Variants in COL18A1 observed in about 807,000 individuals in gnomAD.
The protein encoded by COL18A1 is collagen alpha-1(XVIII) chain.
Under a neutral mutation model 168.0 loss-of-function variants are expected in COL18A1, and 133 were observed. The observed-to-expected ratio is 0.79, with a 90% CI of 0.69 to 0.91. The LOEUF (loss-of-function observed/expected upper bound fraction) is 0.91. Among genes scored for constraint, COL18A1 ranks in the 40% least tolerant of loss-of-function variants. The probability of loss-of-function intolerance (pLI) is 0.00; values close to 1 mark genes in which losing one functional copy is unlikely to be tolerated. For synonymous variants in COL18A1, 949 were observed against 809.0 expected, an observed-to-expected ratio of 1.17 and a Z score of -2.94; for missense variants, 2,126 against 1,925.4, an observed-to-expected ratio of 1.10 and a Z score of -1.95.
Position 45,498,309 on chromosome 21 carries a change from G to T in COL18A1, c.2683+648G>T, listed in dbSNP as rs571491004. The T allele has an allele frequency of 1.0e-5, 7 of 698,312 alleles. No individual in the cohort carries two copies. The highest frequency in any genetic ancestry group is 7.6e-5 in the South Asian group (5 of 65,974). The allele number at this position is 698,312 out of a possible 1,614,324, so 43.3% of individuals were successfully genotyped here. A position where few individuals can be genotyped will look rare whatever the true frequency, so the allele number is the denominator to read the frequency against. On this transcript the variant is annotated intron_variant, in intron 32 of 41. Transcript: ENST00000651438. The surrounding 1 kb of genome is among the most constrained non-coding windows in gnomAD (Gnocchi z 4.5). ...TTCACCACCAGGGTCCCCTCTCGCCGCCACGGTCCCCTCTCGCCGCCAGGG... is the reference window on the plus strand; with the variant it reads ...TTCACCACCAGGGTCCCCTCTCGCCTCCACGGTCCCCTCTCGCCGCCAGGG...
intron 2 of COL18A1, chr21:45,455,514 C>T (rs751376691): frequency 1.2e-6 from 2 of 1,611,688 alleles, no homozygotes; most frequent in Non-Finnish European, 1.7e-6. Context: ...GCCCGCAGCT[C>T]CAGCCGCACT....
intron 3 of COL18A1, among the ~76,000 whole-genome samples, chr21:45,472,458 G>A (rs976066374): frequency 2.3e-4 from 35 of 152,238 alleles, no homozygotes; most frequent in East Asian, 1.9e-4. Flanking sequence ...TGATCCACCC[G>A]CCTCGGCCTT....
intron 2 of COL18A1, among the ~76,000 whole-genome samples, chr21:45,458,551 G>A (rs924555625): frequency 3.3e-5 from 5 of 152,124 alleles, no homozygotes; most frequent in Admixed American, 3.3e-4. Context: ...AGCACCAGCC[G>A]CCTTGCAGGC....
intron 2 of COL18A1, among the ~76,000 whole-genome samples, chr21:45,426,743 G>A (rs1261172736): frequency 6.6e-6 from 1 of 152,248 alleles, no homozygotes; most frequent in Non-Finnish European, 1.5e-5. Context: ...GCAGGTTTGG[G>A]AGCTTGTGGC....
Position 45,505,419 on chromosome 21 carries a change from C to T in COL18A1, c.3075C>T (p.Gly1025=), listed in dbSNP as rs375254978. Residue 1025 remains glycine, a synonymous_variant, in exon 36 of 42, where the codon GGC becomes GGT. Coordinates refer to ENST00000651438, the MANE Select transcript of COL18A1 (RefSeq NM_001379500.1). ...PGPPGPPGTM[G]ASSGVRLWAT... is the part of the protein sequence containing the mutation. Reference sequence around the variant, plus strand: ...CCCCTGGGCCCCCTGGAACCATGGGCGCCTCCTCAGGGGTAAGTGTCTGGG... The same window carrying T: ...CCCCTGGGCCCCCTGGAACCATGGGTGCCTCCTCAGGGGTAAGTGTCTGGG... 194 of 1,556,280 alleles carry T rather than the reference C, an allele frequency of 1.2e-4. 1 individual carries two copies. The highest frequency in any genetic ancestry group is 4.3e-4 in the Admixed American group (24 of 56,260).
At chr21:45,450,786 G>T (rs540313661) in intron 2 of COL18A1, among the ~76,000 whole-genome samples, 1 of 152,172 alleles carries the variant, frequency 6.6e-6, no homozygotes. Flanking sequence ...CCTCCCCACC[G>T]CATCTCAGGC....
At chr21:45,500,017 C>T (rs950712931) in intron 32 of COL18A1, among the ~76,000 whole-genome samples, 11 of 152,096 alleles carry the variant, frequency 7.2e-5, no homozygotes, top group East Asian at 3.9e-4. Context: ...TTACAAGAGA[C>T]GCTCCCCGAA....
intron 2 of COL18A1, among the ~76,000 whole-genome samples, chr21:45,430,739 G>A (rs1011998895): frequency 2.0e-5 from 3 of 152,186 alleles, no homozygotes; most frequent in African/African-American, 7.2e-5. Context: ...CTGCAAGGGA[G>A]CGTCAGTGGC....
At chr21:45,450,671 C>T (rs889765889) in intron 2 of COL18A1, among the ~76,000 whole-genome samples, 3 of 152,206 alleles carry the variant, frequency 2.0e-5, no homozygotes, top group Non-Finnish European at 4.4e-5. Flanking sequence ...GGAACCTTCC[C>T]GAAGACCAGA....
intron 38 of COL18A1, 24 bp downstream of exon 38, chr21:45,507,617 G>A: frequency 6.2e-7 from 1 of 1,611,292 alleles, no homozygotes; most frequent in Non-Finnish European, 8.5e-7. Flanking sequence ...TTTCTGTTGA[G>A]ACTGGTGGGT....
intron 12 of COL18A1, 63 bp downstream of exon 12, chr21:45,480,583 C>T: frequency 2.5e-6 from 4 of 1,613,798 alleles, no homozygotes; most frequent in South Asian, 2.2e-5. Flanking sequence ...AGGCCATGGA[C>T]CCCCAAGATT....
chr21:45,509,401 G>A lies in COL18A1; in HGVS notation c.3295G>A (p.Asp1099Asn), dbSNP rs775390699. 315 of 1,543,386 alleles carry A rather than the reference G, an allele frequency of 2.0e-4. No homozygotes were observed. The highest frequency in any genetic ancestry group is 2.5e-4 in the Non-Finnish European group (288 of 1,145,462). ...ALQPPVVQLH[D>N]SNPYPRREHP... is the part of the protein sequence containing the mutation. ...GCAGCCCCCCGTGGTGCAGCTGCAC[G>A]ACAGCAACCCCTACCCGCGGCGGGA... is the stretch of plus-strand genomic sequence containing the variant. Residue 1099 changes from aspartate (D) to asparagine (N), a missense_variant, in exon 39 of 42, where the codon GAC becomes AAC. Physicochemically the swap from Asp to Asn is conservative, Grantham distance 23. Transcript: ENST00000651438.
At chr21:45,505,673 G>C (rs1189269472) in intron 36 of COL18A1, among the ~76,000 whole-genome samples, 165 bp from the exon 37 acceptor site, 4 of 152,164 alleles carry the variant, frequency 2.6e-5, no homozygotes, top group Non-Finnish European at 4.4e-5. Context: ...GGAGCTGGCG[G>C]CAGGCAGGGG....
At chr21:45,482,957 A>C (rs2035952387) in intron 15 of COL18A1, 136 bp downstream of exon 15, 2 of 1,289,028 alleles carry the variant, frequency 1.6e-6, no homozygotes, top group East Asian at 5.0e-5. Context: ...CACTCCTGCC[A>C]TCTGTCCATC....
intron 38 of COL18A1, 94 bp from the exon 39 acceptor site, chr21:45,509,262 C>T (rs2037428539): frequency 2.0e-6 from 3 of 1,502,450 alleles, no homozygotes; most frequent in Middle Eastern, 2.4e-4. Flanking sequence ...GTTCAGAGCC[C>T]AGCCCCTCTC....
At chr21:45,455,692 G>A in intron 2 of COL18A1, 1 of 1,614,002 alleles carries the variant, frequency 6.2e-7, no homozygotes, top group South Asian at 1.1e-5. Context: ...CCCTGCCTGT[G>A]CAGCCCACAG....
intron 2 of COL18A1, among the ~76,000 whole-genome samples, chr21:45,435,910 T>C (rs1052303888): frequency 6.6e-6 from 1 of 152,144 alleles, no homozygotes; most frequent in Admixed American, 6.5e-5. Context: ...GCCCCTCTCT[T>C]GAGCCCCTGT....
chr21:45,490,907 G>A (rs1417146565), intron 21 of COL18A1, 36 bp downstream of exon 21: 1 of 1,541,168 alleles, frequency 6.5e-7, no homozygotes, highest in Non-Finnish European at 8.8e-7. Flanking sequence ...GGGGATGGGG[G>A]GCGCTGGGAC....
intron 2 of COL18A1, among the ~76,000 whole-genome samples, chr21:45,428,258 C>T (rs186295495): frequency 3.9e-5 from 6 of 152,210 alleles, no homozygotes; most frequent in South Asian, 2.1e-4. Flanking sequence ...CTGTGGGAAC[C>T]GGGAGACTGG....
Sources: gnomAD v4.1 joint callset for allele counts (sites outside exome capture counted in the v4.1 genomes callset) on GRCh38, gnomAD v4.1.1 for gene constraint, Gnocchi (gnomAD v3.1) non-coding constraint, MANE v1.5 for transcripts, NCBI Gene and HGNC (gene_info 2026-07-23, HGNC 2026-07-21) for gene names.